ZNF260: variants seen among roughly 807,000 people sequenced by gnomAD.
ZNF260 encodes zinc finger protein 260.
ZNF260 carries 21 observed loss-of-function variants against 29.3 expected under a neutral mutation model. That is an observed-to-expected ratio of 0.72 (90% confidence interval 0.51 to 1.03). The LOEUF (loss-of-function observed/expected upper bound fraction) is 1.03, where lower values mean the gene tolerates loss of function less well. Ranked by LOEUF, ZNF260 falls within the 50% of genes least tolerant of loss-of-function variation. The pLI, the probability that ZNF260 is intolerant of heterozygous loss-of-function variation, is 0.00. For missense variants in ZNF260, 465 were observed against 487.8 expected, an observed-to-expected ratio of 0.95 and a Z score of 0.44; for synonymous variants, 156 against 156.8, an observed-to-expected ratio of 0.99 and a Z score of 0.04.
rs759772842 is a variant in ZNF260, at chr19:36,527,286, TC to T, written c.-681+932del. ...GAAACTAAGTCCTGTCTTCTTTGTATCTTTTACTTTTTCTGTATATTTCAAA... is the reference window on the plus strand; with the variant it reads ...GAAACTAAGTCCTGTCTTCTTTGTATTTTTACTTTTTCTGTATATTTCAAA... On this transcript the variant is annotated intron_variant, in intron 1 of 2. Transcript: ENST00000523638. Among the ~76,000 whole-genome samples, 13 of 152,364 alleles carry T rather than the reference TC, an allele frequency of 8.5e-5. No individual in the cohort carries two copies. In the South Asian group the frequency reaches 2.5e-3, roughly 29 times the overall value.
chr19:36,517,408 G>A lies in ZNF260; in HGVS notation c.-461-1709C>T, dbSNP rs77771326. 7 of 151,952 alleles carry A rather than the reference G, an allele frequency of 4.6e-5. No individual in the cohort carries two copies. In the East Asian group the frequency reaches 1.4e-3, roughly 29 times the overall value. 9.4% of individuals were successfully genotyped at this position (151,952 alleles called of 1,614,324 possible). A position where few individuals can be genotyped will look rare whatever the true frequency, so the allele number is the denominator to read the frequency against. ...TGACCTTGTCTCTAAAAAAAAAAAA[G>A]TATTAGGAAATTTTGGAAAGAAAGC... On this transcript the variant is annotated intron_variant, in intron 2 of 2. Coordinates refer to ENST00000523638, the MANE Select transcript of ZNF260 (RefSeq NM_001166037.2).
In ZNF260 at chr19:36,511,088, A is replaced by T. The variant is rs1196461722; in HGVS notation, c.*2912T>A. ...TTACCTCAGAAAATCAACAACTGTC[A>T]TTTTCAATCTTATCTCAAGACCAAC... On this transcript the variant is annotated 3_prime_UTR_variant, in exon 3 of 3. Transcript: ENST00000523638. 1 of 152,208 alleles carries T rather than the reference A, an allele frequency of 6.6e-6. No homozygotes were observed. 9.4% of individuals were successfully genotyped at this position (152,208 alleles called of 1,614,324 possible). A position where few individuals can be genotyped will look rare whatever the true frequency, so the allele number is the denominator to read the frequency against.
At chr19:36,518,879 TA>T (rs1600212372) in intron 2 of ZNF260, among the ~76,000 whole-genome samples, 1 of 152,164 alleles carries the variant, frequency 6.6e-6, no homozygotes, top group East Asian at 1.9e-4. Flanking sequence ...TTGTCTCTAC[TA>T]AAAATAAAAA....
At chr19:36,524,539 A>T (rs2034701931) in intron 2 of ZNF260, among the ~76,000 whole-genome samples, 171 of 31,666 alleles carry the variant, frequency 5.4e-3, no homozygotes, top group Middle Eastern at 0.011. Context: ...TTTTTTATTG[A>T]TCATTCTTGG....
intron 2 of ZNF260, among the ~76,000 whole-genome samples, chr19:36,522,566 T>C (rs2034663930): frequency 1.3e-5 from 2 of 152,196 alleles, no homozygotes. Flanking sequence ...CATGACTACT[T>C]TCACAGTATA....
At chr19:36,516,321 T>C (rs2034549103) in intron 2 of ZNF260, among the ~76,000 whole-genome samples, 1 of 152,098 alleles carries the variant, frequency 6.6e-6, no homozygotes, top group African/African-American at 2.4e-5. Flanking sequence ...TAAGGCTAGG[T>C]ATGGTGGTTC....
rs779009925 is a variant in ZNF260 at position 36,514,442 on chromosome 19, T to C, written c.797A>G (p.His266Arg). ...TTTCTCTCCAATATGAATTTTCTCATGCTCTGTGAGATTTGACTTGCCACT... is the reference window on the plus strand; with the variant it reads ...TTTCTCTCCAATATGAATTTTCTCACGCTCTGTGAGATTTGACTTGCCACT... ...AFSGKSNLTEHEKIHIGEKPY... is the reference protein window; with the variant it reads ...AFSGKSNLTEREKIHIGEKPY... Residue 266 changes from histidine (H) to arginine (R), a missense_variant, in exon 3 of 3, where the codon CAT (histidine) becomes CGT (arginine). Physicochemically the swap from His to Arg is conservative, Grantham distance 29. Transcript: ENST00000523638. 3.1e-6 allele frequency: 5 copies of C among 1,614,142 alleles called. No homozygotes were observed. The highest frequency in any genetic ancestry group is 2.2e-5 in the South Asian group (2 of 91,078).
At chr19:36,519,801 G>A (rs79385396) in intron 2 of ZNF260, among the ~76,000 whole-genome samples, 2,524 of 152,182 alleles carry the variant, frequency 0.017, 71 homozygotes, top group African/African-American at 0.056. Flanking sequence ...TTTGGCCAGG[G>A]AAAATTAATG....
Position 36,517,437 on chromosome 19 carries a change from T to C in ZNF260, c.-461-1738A>G, listed in dbSNP as rs550750082. 9 of 151,020 alleles carry C rather than the reference T, an allele frequency of 6.0e-5. No homozygotes were observed. In the East Asian group the frequency reaches 1.8e-3, roughly 29 times the overall value. The allele number at this position is 151,020 out of a possible 1,614,324, so 9.4% of individuals were successfully genotyped here. A position where few individuals can be genotyped will look rare whatever the true frequency, so the allele number is the denominator to read the frequency against. On this transcript the variant is annotated intron_variant, in intron 2 of 2. Transcript: ENST00000523638. ...TAGGAAATTTTGGAAAGAAAGCAAA[T>C]AGAGAACTGTAAATTAACAGCAGAA...
chr19:36,528,020 G>A (rs2034764372), intron 1 of ZNF260, among the ~76,000 whole-genome samples, 199 bp downstream of exon 1: 1 of 151,736 alleles, frequency 6.6e-6, no homozygotes, highest in African/African-American at 2.4e-5. Flanking sequence ...CACACTCTCG[G>A]TCACCCACCC....
intron 2 of ZNF260, among the ~76,000 whole-genome samples, chr19:36,516,642 G>C (rs368422955): frequency 6.6e-6 from 1 of 152,128 alleles, no homozygotes; most frequent in East Asian, 1.9e-4. Context: ...GCAGTGGCAT[G>C]ATCTCGGCTC....
intron 1 of ZNF260, 101 bp downstream of exon 1, chr19:36,528,118 T>G (rs1450092230): frequency 1.3e-5 from 2 of 149,732 alleles, no homozygotes; most frequent in African/African-American, 2.5e-5. Context: ...CCCTCCATAC[T>G]CCCAGCCCCG....
chr19:36,514,028 A>T lies in ZNF260; in HGVS notation c.1211T>A (p.Ile404Asn). Residue 404 changes from isoleucine (I) to asparagine (N), a missense_variant, in exon 3 of 3, where the codon ATT becomes AAT. Physicochemically the swap from Ile to Asn is moderately radical, Grantham distance 149. Coordinates refer to ENST00000523638, the MANE Select transcript of ZNF260 (RefSeq NM_001166037.2). ...ATGAGTATGAATTCTCTGGTGTCTAATGTGATGTGACTTTTGGCTGAAAGC... is the reference window on the plus strand; with the variant it reads ...ATGAGTATGAATTCTCTGGTGTCTATTGTGATGTGACTTTTGGCTGAAAGC... ...GKAFSQKSHHIRHQRIHTH is the reference protein window; with the variant it reads ...GKAFSQKSHHNRHQRIHTH 6.2e-7 allele frequency: 1 copy of T among 1,613,982 alleles called. No homozygotes were observed. Among genetic ancestry groups the T allele is most frequent in the Non-Finnish European group, 8.5e-7 (1 of 1,179,904 alleles).
Position 36,515,042 on chromosome 19 carries a change from C to T in ZNF260, c.197G>A (p.Arg66Gln), listed in dbSNP as rs757587194. The T allele has an allele frequency of 9.9e-6, 16 of 1,614,072 alleles. No homozygotes were observed. The highest frequency in any genetic ancestry group is 3.3e-5 in the South Asian group (3 of 91,072). The change falls in exon 3 of 3, where the codon CGA (arginine) becomes CAA (glutamine). Residue 66 changes from arginine to glutamine, a missense_variant. Coordinates refer to ENST00000523638, the MANE Select transcript of ZNF260 (RefSeq NM_001166037.2). Reference sequence around the variant, plus strand: ...AAGGTGTAGAGTAAGAGATGAGACTCGAGAGCACACTTTACCACATTCAGT... The same window carrying T: ...AAGGTGTAGAGTAAGAGATGAGACTTGAGAGCACACTTTACCACATTCAGT... ...ECTECGKVCS[R>Q]VSSLTLHLRS...
chr19:36,524,001 G>A (rs573377223), intron 2 of ZNF260, among the ~76,000 whole-genome samples: 1 of 152,110 alleles, frequency 6.6e-6, no homozygotes, highest in African/African-American at 2.4e-5. Context: ...GCTGGAGGTA[G>A]GAAGACAATA....
chr19:36,512,121 T>C lies in ZNF260; in HGVS notation c.*1879A>G, dbSNP rs2034461606. The C allele has an allele frequency of 6.6e-6, 1 of 152,170 alleles. No individual in the cohort carries two copies. The highest frequency in any genetic ancestry group is 2.4e-5 in the African/African-American group (1 of 41,450). The allele number at this position is 152,170 out of a possible 1,614,324, so 9.4% of individuals were successfully genotyped here. ...TGGCAAATCATAACCTCCAAGACTATATACAGATTAGAACTACGTACAGAT... is the reference window on the plus strand; with the variant it reads ...TGGCAAATCATAACCTCCAAGACTACATACAGATTAGAACTACGTACAGAT... On this transcript the variant is annotated 3_prime_UTR_variant, in exon 3 of 3. Coordinates refer to ENST00000523638, the MANE Select transcript of ZNF260 (RefSeq NM_001166037.2).
chr19:36,527,533 G>C (rs2034756198), intron 1 of ZNF260, among the ~76,000 whole-genome samples: 1 of 152,122 alleles, frequency 6.6e-6, no homozygotes, highest in South Asian at 2.1e-4. Context: ...CCTCACTGAC[G>C]AACTAGGGAG....
intron 2 of ZNF260, among the ~76,000 whole-genome samples, chr19:36,520,198 CAAAAA>C (rs11327751): frequency 2.2e-5 from 2 of 89,682 alleles, no homozygotes; most frequent in Non-Finnish European, 2.4e-5. Flanking sequence ...GACTCTGTCT[CAAAAA>C]AAAAAAAAAA....
intron 1 of ZNF260, among the ~76,000 whole-genome samples, chr19:36,527,644 T>C (rs1163529729): frequency 1.3e-5 from 2 of 151,986 alleles, no homozygotes; most frequent in Non-Finnish European, 2.9e-5. Context: ...TAGTTCAGGG[T>C]TTCTCCAAGC....
Sources: gnomAD v4.1 joint callset for allele counts (sites outside exome capture counted in the v4.1 genomes callset) on GRCh38, gnomAD v4.1.1 for gene constraint, MANE v1.5 for transcripts, NCBI Gene and HGNC (gene_info 2026-07-23, HGNC 2026-07-21) for gene names.